COA1: variants seen among roughly 807,000 people sequenced by gnomAD.
The protein encoded by COA1 is cytochrome c oxidase assembly factor 1 homolog.
COA1 carries 13 observed loss-of-function variants against 16.0 expected under a neutral mutation model. That is an observed-to-expected ratio of 0.81 (90% confidence interval 0.53 to 1.29). The LOEUF (loss-of-function observed/expected upper bound fraction) is 1.29. COA1 is among the 50% of genes most tolerant of loss of function. The pLI is 0.00. For synonymous variants in COA1, 65 were observed against 65.7 expected (o/e 0.99, Z 0.05); for missense variants, 179 against 177.0 (o/e 1.01, Z -0.06).
intron 6 of COA1, among the ~76,000 whole-genome samples, chr7:43,618,927 A>C (rs1563162215): frequency 6.6e-6 from 1 of 152,210 alleles, no homozygotes; most frequent in Non-Finnish European, 1.5e-5. Flanking sequence ...TGGTGGGAGA[A>C]GAGGGCCATG....
chr7:43,648,872 G>A, intron 1 of COA1: 1 of 467,296 alleles, frequency 2.1e-6, no homozygotes, highest in Non-Finnish European at 3.8e-6. Context: ...TCCTGTCTGT[G>A]TCCTATGTAG....
chr7:43,639,404 G>T lies in COA1; in HGVS notation c.*178C>A. ...AAAAATGACAAATAGCATTTGTTGT[G>T]CCCAAGTTAGAATTACACCAAAATT... On this transcript the variant is annotated 3_prime_UTR_variant, in exon 6 of 6. Coordinates refer to ENST00000223336, the MANE Select transcript of COA1 (RefSeq NM_018224.4). 2.0e-6 allele frequency: 1 copy of T among 504,770 alleles called. No homozygotes were observed. The highest frequency in any genetic ancestry group is 3.2e-5 in the South Asian group (1 of 31,180). 31.3% of individuals were successfully genotyped at this position (504,770 alleles called of 1,614,324 possible).
intron 1 of COA1, among the ~76,000 whole-genome samples, chr7:43,700,619 T>TGTGTGTGTGTG (rs397766419): frequency 1.3e-5 from 2 of 150,086 alleles, no homozygotes; most frequent in African/African-American, 2.5e-5. Flanking sequence ...TGTGTGTGTG[T>TGTGTGTGTGTG]TAGAGTAAGG....
intron 1 of COA1, among the ~76,000 whole-genome samples, chr7:43,654,135 C>T (rs890077343): frequency 1.3e-5 from 2 of 152,004 alleles, no homozygotes; most frequent in African/African-American, 4.8e-5. Context: ...AGAAAGGGTT[C>T]GGCCCTTCAC....
chr7:43,691,477 G>GAAAT (rs1554542928), intron 1 of COA1, among the ~76,000 whole-genome samples: 38 of 131,710 alleles, frequency 2.9e-4, no homozygotes, highest in South Asian at 7.2e-4. Context: ...AAGAAAGAAA[G>GAAAT]AAATTATCAT....
chr7:43,610,312 A>G (rs899598949), intron 6 of COA1, among the ~76,000 whole-genome samples: 1 of 134,906 alleles, frequency 7.4e-6, no homozygotes, highest in East Asian at 2.3e-4. Flanking sequence ...GTGCCACTGC[A>G]CTCCAGCCTG....
intron 1 of COA1, among the ~76,000 whole-genome samples, chr7:43,716,860 C>G (rs2131980115): frequency 6.6e-6 from 1 of 152,336 alleles, no homozygotes; most frequent in South Asian, 2.1e-4. Flanking sequence ...TGTGTCCCAG[C>G]TACTCCAGCT....
At chr7:43,626,705 A>G (rs1178072908) in intron 6 of COA1, 1 of 152,194 alleles carries the variant, frequency 6.6e-6, no homozygotes, top group Non-Finnish European at 1.5e-5. Context: ...TACTTGATGG[A>G]TCTGTCATCA....
At chr7:43,689,582 A>T (rs2094184743) in intron 1 of COA1, among the ~76,000 whole-genome samples, 1 of 152,222 alleles carries the variant, frequency 6.6e-6, no homozygotes, top group Non-Finnish European at 1.5e-5. Context: ...AAGCTCAGAG[A>T]ATTCACTGAA....
chr7:43,684,997 C>G (rs1369364472), intron 1 of COA1, among the ~76,000 whole-genome samples: 1 of 151,880 alleles, frequency 6.6e-6, no homozygotes, highest in Non-Finnish European at 1.5e-5. Flanking sequence ...AAAACTAGCT[C>G]ACTAGTTAGT....
chr7:43,646,244 C>T lies in COA1; in HGVS notation c.116-845G>A, dbSNP rs559369406. On this transcript the variant is annotated intron_variant, in intron 3 of 5. Coordinates refer to ENST00000223336, the MANE Select transcript of COA1 (RefSeq NM_018224.4). ...AGGAATAGGGATACAGGGAATACCA[C>T]AGGCATGAACACGGTGCCAGCTATG... 9 of 248,554 alleles carry T rather than the reference C, an allele frequency of 3.6e-5. No homozygotes were observed. In the South Asian group the frequency reaches 3.7e-4, roughly 10 times the overall value. 15.4% of individuals were successfully genotyped at this position (248,554 alleles called of 1,614,324 possible).
At chr7:43,647,240 T>C (rs2089592037) in intron 3 of COA1, 2 of 453,834 alleles carry the variant, frequency 4.4e-6, no homozygotes, top group African/African-American at 2.0e-5. Flanking sequence ...CTTTATATAA[T>C]CTCAGAATCT....
At chr7:43,639,724 T>C in intron 5 of COA1, 43 bp from the exon 6 acceptor site, 1 of 1,498,426 alleles carries the variant, frequency 6.7e-7, no homozygotes, top group Non-Finnish European at 9.3e-7. Context: ...CTATGAAGGC[T>C]GAGGCAACAG....
intron 6 of COA1, chr7:43,626,460 T>C (rs1238980514): frequency 6.6e-6 from 1 of 152,208 alleles, no homozygotes; most frequent in Non-Finnish European, 1.5e-5. Context: ...TCTCACTAAA[T>C]TGGCTTTATT....
At chr7:43,673,186 T>C (rs998083035) in intron 1 of COA1, among the ~76,000 whole-genome samples, 1 of 152,234 alleles carries the variant, frequency 6.6e-6, no homozygotes. Context: ...GCTTCAGAGC[T>C]TCTGTGCAGC....
intron 1 of COA1, among the ~76,000 whole-genome samples, chr7:43,682,913 G>A (rs1364855238): frequency 1.3e-5 from 2 of 152,102 alleles, no homozygotes; most frequent in African/African-American, 4.8e-5. Context: ...GCAATGGCAC[G>A]ATCTTGGCTC....
At chr7:43,673,921 C>A (rs907247346) in intron 1 of COA1, among the ~76,000 whole-genome samples, 26 of 152,056 alleles carry the variant, frequency 1.7e-4, no homozygotes, top group African/African-American at 6.3e-4. Context: ...CAGGTTCTCT[C>A]TTCTAAGTAG....
intron 1 of COA1, among the ~76,000 whole-genome samples, chr7:43,676,698 G>A (rs2093537449): frequency 6.6e-6 from 1 of 152,078 alleles, no homozygotes; most frequent in South Asian, 2.1e-4. Flanking sequence ...TGTTTTAGAT[G>A]ATGGATATGC....
chr7:43,692,513 G>A (rs965752979), intron 1 of COA1, among the ~76,000 whole-genome samples: 3 of 151,848 alleles, frequency 2.0e-5, no homozygotes, highest in African/African-American at 7.3e-5. Context: ...GCAAGACCCT[G>A]TCTTAAAAAA....
Sources: allele counts gnomAD v4.1 joint callset (sites outside exome capture counted in the v4.1 genomes callset), GRCh38; gene constraint gnomAD v4.1.1; transcripts MANE v1.5; gene names NCBI Gene and HGNC (gene_info 2026-07-23, HGNC 2026-07-21).